MOSMO: variants seen among roughly 807,000 people sequenced by gnomAD.
MOSMO encodes modulator of smoothened protein.
MOSMO carries 5 observed loss-of-function variants against 18.4 expected under a neutral mutation model. That is an observed-to-expected ratio of 0.27 (90% confidence interval 0.14 to 0.57). The LOEUF is 0.57. MOSMO is among the 20% of genes least tolerant of loss of function. The pLI is 0.92. For synonymous variants in MOSMO, 82 were observed against 82.3 expected (o/e 1.00, Z 0.02); for missense variants, 138 against 211.8 (o/e 0.65, Z 2.16).
At chr16:22,028,191 C>A (rs1446306977) in intron 1 of MOSMO, among the ~76,000 whole-genome samples, 1 of 151,972 alleles carries the variant, frequency 6.6e-6, no homozygotes, top group African/African-American at 2.4e-5. Context: ...AATCATTATA[C>A]CAAACACACG....
chr16:22,020,949 G>A (rs1004286539), intron 1 of MOSMO, among the ~76,000 whole-genome samples: 4 of 152,042 alleles, frequency 2.6e-5, no homozygotes, highest in African/African-American at 9.7e-5. Context: ...GATTGTATGT[G>A]TAAGAGGTTT....
intron 1 of MOSMO, among the ~76,000 whole-genome samples, chr16:22,024,451 A>G (rs1899834325): frequency 6.7e-6 from 1 of 150,302 alleles, no homozygotes; most frequent in Non-Finnish European, 1.5e-5. Context: ...TGCCACCTCC[A>G]CCTCCAGGGT....
chr16:22,025,151 TA>T (rs200351979), intron 1 of MOSMO, among the ~76,000 whole-genome samples: 640 of 132,892 alleles, frequency 4.8e-3, no homozygotes, highest in African/African-American at 5.8e-3. Flanking sequence ...AGACTCTGTC[TA>T]AAAAAAAAAA....
downstream of MOSMO, among the ~76,000 whole-genome samples, chr16:22,088,254 A>G (rs574457210): frequency 4.6e-5 from 7 of 152,266 alleles, no homozygotes; most frequent in South Asian, 1.5e-3. Context: ...GTCGTCTCCC[A>G]GTCTCCTCCT....
intron 1 of MOSMO, among the ~76,000 whole-genome samples, chr16:22,050,887 G>GAAAAAAAAA (rs34532029): frequency 0.098 from 6,853 of 69,748 alleles, 296 homozygotes; most frequent in South Asian, 0.24. Flanking sequence ...TGTCTCTTAA[G>GAAAAAAAAA]AAAAAAAAAA....
chr16:22,078,803 G>C (rs1202530381), intron 2 of MOSMO, among the ~76,000 whole-genome samples: 1 of 152,148 alleles, frequency 6.6e-6, no homozygotes, highest in Non-Finnish European at 1.5e-5. Context: ...ATTGGTGACA[G>C]ACAACACTGA....
chr16:22,069,771 A>G (rs1181314748), intron 1 of MOSMO, among the ~76,000 whole-genome samples: 1 of 152,158 alleles, frequency 6.6e-6, no homozygotes, highest in Non-Finnish European at 1.5e-5. Context: ...GAGGAGGAGG[A>G]AATCTGGCCA....
chr16:22,039,183 A>G (rs1354531013), intron 1 of MOSMO, among the ~76,000 whole-genome samples: 2 of 152,190 alleles, frequency 1.3e-5, no homozygotes, highest in Admixed American at 6.5e-5. Context: ...GTTCTCAGTG[A>G]TGGGAATTAA....
At chr16:22,033,847 C>T (rs1374322125) in intron 1 of MOSMO, among the ~76,000 whole-genome samples, 1 of 151,910 alleles carries the variant, frequency 6.6e-6, no homozygotes, top group East Asian at 1.9e-4. Flanking sequence ...AAAAAACATG[C>T]TCACAATACT....
chr16:22,064,292 C>T (rs770490993), intron 1 of MOSMO: 3 of 456,294 alleles, frequency 6.6e-6, no homozygotes, highest in South Asian at 4.6e-5. Flanking sequence ...ACTTTTCTGG[C>T]CACAAGAATT....
intron 1 of MOSMO, among the ~76,000 whole-genome samples, chr16:22,010,852 C>T (rs543948614): frequency 6.7e-6 from 1 of 149,964 alleles, no homozygotes; most frequent in Non-Finnish European, 1.5e-5. Flanking sequence ...ACTTGGGAGG[C>T]GGAGGTTGCA....
chr16:22,063,133 C>A (rs1239901208), intron 1 of MOSMO, among the ~76,000 whole-genome samples: 1 of 152,180 alleles, frequency 6.6e-6, no homozygotes, highest in Admixed American at 6.5e-5. Context: ...GGATTACAGG[C>A]GTGAGCCACC....
At chr16:22,035,264 G>A (rs1900084876) in intron 1 of MOSMO, among the ~76,000 whole-genome samples, 1 of 152,118 alleles carries the variant, frequency 6.6e-6, no homozygotes. Flanking sequence ...AGCTAGAGAG[G>A]GCTGGAGTTG....
At chr16:22,039,132 AATC>A (rs1248272588) in intron 1 of MOSMO, among the ~76,000 whole-genome samples, 2 of 152,156 alleles carry the variant, frequency 1.3e-5, no homozygotes, top group African/African-American at 4.8e-5. Flanking sequence ...TCCTAACAAT[AATC>A]ATACTGAATC....
chr16:22,034,528 T>G (rs1482625131), intron 1 of MOSMO, among the ~76,000 whole-genome samples: 1 of 152,128 alleles, frequency 6.6e-6, no homozygotes, highest in Non-Finnish European at 1.5e-5. Flanking sequence ...AATATTTCAC[T>G]CCTCTCTCCT....
At chr16:22,078,333 T>G (rs533388886) in intron 2 of MOSMO, among the ~76,000 whole-genome samples, 1 of 152,300 alleles carries the variant, frequency 6.6e-6, no homozygotes, top group African/African-American at 2.4e-5. Flanking sequence ...TCACAATAGC[T>G]TAAAAGAAAA....
chr16:22,035,338 C>T (rs529244358), intron 1 of MOSMO, among the ~76,000 whole-genome samples: 37 of 151,656 alleles, frequency 2.4e-4, no homozygotes, highest in Middle Eastern at 3.4e-3. Context: ...AAACAGTGTG[C>T]TCTGGGCTTA....
chr16:22,054,552 T>C (rs751749809), intron 1 of MOSMO, among the ~76,000 whole-genome samples: 4 of 152,244 alleles, frequency 2.6e-5, no homozygotes, highest in Non-Finnish European at 5.9e-5. Context: ...CTTTATATTG[T>C]TTACTAAGGA....
intron 1 of MOSMO, among the ~76,000 whole-genome samples, chr16:22,072,331 A>T (rs989406003): frequency 1.3e-5 from 2 of 152,134 alleles, no homozygotes; most frequent in Non-Finnish European, 2.9e-5. Context: ...AAAATATATG[A>T]CTGTGTTATA....
Sources: allele counts gnomAD v4.1 joint callset (sites outside exome capture counted in the v4.1 genomes callset), GRCh38; gene constraint gnomAD v4.1.1; transcripts MANE v1.5; gene names NCBI Gene and HGNC (gene_info 2026-07-23, HGNC 2026-07-21).